DMD: variants seen among roughly 807,000 people sequenced by gnomAD.
The protein encoded by DMD is mutant dystrophin.
DMD carries 63 observed loss-of-function variants against 330.1 expected under a neutral mutation model. The observed-to-expected ratio is 0.19, with a 90% CI of 0.16 to 0.24. The LOEUF is 0.24. Ranked by LOEUF, DMD falls within the 10% of genes least tolerant of loss-of-function variation. The pLI, the probability that DMD is intolerant of heterozygous loss-of-function variation, is 1.00. For missense variants in DMD, 3,344 were observed against 2,684.1 expected (o/e 1.25, Z -5.43); for synonymous variants, 1,223 against 959.8 (o/e 1.27, Z -5.07).
intron 13 of DMD, among the ~76,000 whole-genome samples, chrX:32,584,742 T>C (rs1280064423): frequency 8.9e-6 from 1 of 112,134 alleles, no homozygotes; most frequent in African/African-American, 3.2e-5. Context: ...TAACTCAAGA[T>C]ACATGTTACC....
chrX:32,554,456 A>T (rs1347176526), intron 16 of DMD, among the ~76,000 whole-genome samples: 1 of 111,552 alleles, frequency 9.0e-6, no homozygotes, highest in Non-Finnish European at 1.9e-5. Context: ...TTCTACAGAA[A>T]TACAAACAAC....
intron 45 of DMD, among the ~76,000 whole-genome samples, chrX:31,938,395 C>G (rs1453694277): frequency 8.9e-6 from 1 of 111,880 alleles, no homozygotes; most frequent in Non-Finnish European, 1.9e-5. Flanking sequence ...AATGGAGATA[C>G]AATGATCACC....
chrX:33,091,914 C>A (rs778376140), intron 1 of DMD, among the ~76,000 whole-genome samples: 55 of 111,920 alleles, frequency 4.9e-4, no homozygotes, highest in African/African-American at 1.5e-3. Flanking sequence ...CTTCCTGATC[C>A]CAAACCTGAA....
At chrX:31,829,354 C>CTGAATAGAAACCCTGGGGGTATAGAAA (rs1422468602) in intron 49 of DMD, among the ~76,000 whole-genome samples, 9 of 110,337 alleles carry the variant, frequency 8.2e-5, no homozygotes, top group Non-Finnish European at 3.8e-5. Flanking sequence ...CCAAAAACCA[C>CTGAATAGAAACCCTGGGGGTATAGAAA]CTATACCCCC....
At chrX:31,134,046 G>A in intron 77 of DMD, 56 bp downstream of exon 77, 1 of 1,060,952 alleles carries the variant, frequency 9.4e-7, no homozygotes, top group Non-Finnish European at 1.3e-6. Flanking sequence ...GTTGGGTAGG[G>A]AAGCGAGTGG....
chrX:32,976,864 T>C lies in DMD; in HGVS notation c.93+43275A>G, dbSNP rs1159232728. Among the ~76,000 whole-genome samples, 5 of 112,130 alleles carry C rather than the reference T, an allele frequency of 4.5e-5. No individual in the cohort carries two copies. The South Asian group carries it at 1.8e-3, about 41-fold the overall frequency. ...ATTGTTTTAGAATTTTATATATATA[T>C]GTAAGTTACATTTTTGGTAAATTCT... On this transcript the variant is annotated intron_variant, in intron 2 of 78. Coordinates refer to ENST00000357033, the MANE Select transcript of DMD (RefSeq NM_004006.3).
chrX:31,249,497 G>A (rs1274411166), intron 63 of DMD, among the ~76,000 whole-genome samples: 4 of 111,304 alleles, frequency 3.6e-5, no homozygotes, highest in Admixed American at 9.6e-5. Context: ...CACCTGCCTC[G>A]GCCTCCCAAA....
At chrX:32,261,337 A>T (rs2097322673) in intron 43 of DMD, among the ~76,000 whole-genome samples, 1 of 111,887 alleles carries the variant, frequency 8.9e-6, no homozygotes, top group Non-Finnish European at 1.9e-5. Context: ...CAAGGTATCT[A>T]CTGACTTGCG....
chrX:31,325,746 G>C (rs1486871772), intron 61 of DMD, among the ~76,000 whole-genome samples: 2 of 111,572 alleles, frequency 1.8e-5, no homozygotes, highest in Non-Finnish European at 3.8e-5. Flanking sequence ...AGAAATTATA[G>C]CTCCTGGCTG....
chrX:32,242,527 A>G (rs149748829), intron 43 of DMD, among the ~76,000 whole-genome samples: 13 of 111,953 alleles, frequency 1.2e-4, no homozygotes, highest in African/African-American at 3.9e-4. Context: ...TTTTTTTTCA[A>G]TAATGGAAGC....
intron 1 of DMD, among the ~76,000 whole-genome samples, chrX:33,094,854 A>C (rs1484142972): frequency 9.0e-6 from 1 of 110,514 alleles, no homozygotes; most frequent in Non-Finnish European, 1.9e-5. Flanking sequence ...AATTTCATGT[A>C]GTTGGGATCA....
intron 45 of DMD, among the ~76,000 whole-genome samples, chrX:31,944,372 A>G (rs1177249715): frequency 3.6e-5 from 4 of 112,003 alleles, no homozygotes; most frequent in South Asian, 7.3e-4. Flanking sequence ...TCTTCTCACT[A>G]TATTGTTTCT....
At chrX:31,903,363 A>G (rs1366889791) in intron 47 of DMD, among the ~76,000 whole-genome samples, 1 of 111,723 alleles carries the variant, frequency 9.0e-6, no homozygotes. Flanking sequence ...AAAGTTGGAC[A>G]TTTCGTCCAA....
rs35906927 is a variant in DMD, at chrX:33,095,964, A to ATTTT, written c.32-75768_32-75765dup. Among the ~76,000 whole-genome samples the ATTTT allele has an allele frequency of 7.4e-4, 38 of 51,553 alleles. 1 individual carries two copies. The highest frequency in any genetic ancestry group is 1.1e-3 in the African/African-American group (15 of 13,176). 44.8% of individuals were successfully genotyped at this position (51,553 alleles called of 115,157 possible). Reference sequence around the variant, plus strand: ...TAAATCAAACACTACTTCTTCCAGAATTTTTTTTTTTTTTTTTTTTTTTTT... The same window carrying ATTTT: ...TAAATCAAACACTACTTCTTCCAGAATTTTTTTTTTTTTTTTTTTTTTTTTTTTT... On this transcript the variant is annotated intron_variant, in intron 1 of 78. Transcript: ENST00000357033.
intron 2 of DMD, among the ~76,000 whole-genome samples, chrX:32,937,341 G>A (rs763975025): frequency 2.0e-4 from 22 of 109,434 alleles, no homozygotes; most frequent in African/African-American, 7.0e-4. Flanking sequence ...TCCTCCTGCT[G>A]CAGCCTGTCT....
At position 31,488,827 on chromosome X, in the gene DMD, T is replaced by G. The variant is rs146680966; in HGVS notation, c.8547+7961A>C. Among the ~76,000 whole-genome samples, 642 of 111,767 alleles carry G rather than the reference T, an allele frequency of 5.7e-3. 3 individuals are homozygous for G. Among genetic ancestry groups the G allele is most frequent in the Middle Eastern group, 0.023 (5 of 215 alleles). On this transcript the variant is annotated intron_variant, in intron 57 of 78. Transcript: ENST00000357033. ...CAGCAAGAGTCAACTTCTAAACACATAAATCAGATCACATCATCCCTGCTG... is the reference window on the plus strand; with the variant it reads ...CAGCAAGAGTCAACTTCTAAACACAGAAATCAGATCACATCATCCCTGCTG...
intron 45 of DMD, among the ~76,000 whole-genome samples, chrX:31,939,326 G>T (rs193056159): frequency 2.7e-5 from 3 of 111,704 alleles, no homozygotes; most frequent in Non-Finnish European, 5.6e-5. Flanking sequence ...GTGTCTTGTC[G>T]GAATGAAGTG....
chrX:31,147,234 G>C, intron 75 of DMD, 41 bp downstream of exon 75: 1 of 1,209,499 alleles, frequency 8.3e-7, no homozygotes, highest in Non-Finnish European at 1.1e-6. Context: ...TGTTTAAGAG[G>C]GAAAAATGAA....
chrX:31,965,379 C>G (rs149061526), intron 45 of DMD, among the ~76,000 whole-genome samples: 8,766 of 111,048 alleles, frequency 0.079, 378 homozygotes, highest in African/African-American at 0.17. Flanking sequence ...CCCTGTAGCA[C>G]ATATAATAAG....
Sources: allele counts gnomAD v4.1 joint callset (sites outside exome capture counted in the v4.1 genomes callset), GRCh38; gene constraint gnomAD v4.1.1; transcripts MANE v1.5; gene names NCBI Gene and HGNC (gene_info 2026-07-23, HGNC 2026-07-21).